RSF1: variants seen among roughly 807,000 people sequenced by gnomAD.
RSF1 encodes HBV pX-associated protein 8.
Under a neutral mutation model 145.2 loss-of-function variants are expected in RSF1, and 13 were observed. That is an observed-to-expected ratio of 0.09 (90% CI 0.06 to 0.14). RSF1 has a LOEUF of 0.14. Among genes scored for constraint, RSF1 ranks in the 10% least tolerant of loss-of-function variants. RSF1 has a pLI of 1.00. For synonymous variants in RSF1, 577 were observed against 592.6 expected, an observed-to-expected ratio of 0.97 and a Z score of 0.38; for missense variants, 1,517 against 1,718.2, an observed-to-expected ratio of 0.88 and a Z score of 2.07.
At chr11:77,740,257 C>CCCAGCTA (rs1164867479) in intron 4 of RSF1, among the ~76,000 whole-genome samples, 1 of 152,216 alleles carries the variant, frequency 6.6e-6, no homozygotes, top group Non-Finnish European at 1.5e-5. Flanking sequence ...CGCCTGTAAT[C>CCCAGCTA]CCAGCTACTT....
At chr11:77,763,774 G>A (rs1948198970) in intron 2 of RSF1, 1 of 152,138 alleles carries the variant, frequency 6.6e-6, no homozygotes, top group Admixed American at 6.5e-5. Flanking sequence ...AAACTGGTGG[G>A]AAGGTACTCC....
chr11:77,702,314 T>A lies in RSF1; in HGVS notation c.915A>T (p.Lys305Asn). Residue 305 changes from lysine to asparagine, a missense_variant, in exon 6 of 16, where the codon AAA becomes AAT. Physicochemically the swap from Lys to Asn is moderately conservative, Grantham distance 94 (BLOSUM62 0). Around this residue, in one of 12 missense-constraint regions of RSF1, gnomAD observed 207 missense variants for 191.4 expected, o/e 1.08. Transcript: ENST00000308488. ...LEKPLPENEEKKIIKEESDSF... is the reference protein window; with the variant it reads ...LEKPLPENEENKIIKEESDSF... ...AATCACTTTCTTCTTTGATAATCTT[T>A]TTTTCTTCATTTTCTGGCAAAGGTT... The A allele has an allele frequency of 1.2e-6, 2 of 1,609,902 alleles. No homozygotes were observed. Among genetic ancestry groups the A allele is most frequent in the Non-Finnish European group, 1.7e-6 (2 of 1,179,100 alleles).
intron 2 of RSF1, among the ~76,000 whole-genome samples, chr11:77,755,700 C>G (rs1023381481): frequency 1.8e-4 from 28 of 152,076 alleles, no homozygotes; most frequent in Non-Finnish European, 7.3e-5. Flanking sequence ...CTGCCTCAGC[C>G]TCCCGAGTAG....
intron 1 of RSF1, among the ~76,000 whole-genome samples, chr11:77,767,235 T>G (rs1490649971): frequency 6.6e-6 from 1 of 152,214 alleles, no homozygotes; most frequent in East Asian, 1.9e-4. Flanking sequence ...TTTCTCCTTT[T>G]CCACAAACAC....
chr11:77,852,105 A>T, the RSF1 span, among the ~76,000 whole-genome samples: 7 of 151,480 alleles, frequency 4.6e-5, no homozygotes, highest in Non-Finnish European at 8.8e-5. Flanking sequence ...AGTGGCTCAC[A>T]TCTGTAATCC....
intron 1 of RSF1, among the ~76,000 whole-genome samples, chr11:77,799,955 GAAACAGA>G (rs1029167310): frequency 2.0e-5 from 3 of 152,092 alleles, no homozygotes; most frequent in Admixed American, 2.0e-4. Context: ...TACTCAAGAG[GAAACAGA>G]AAATGTGAAT....
chr11:77,734,972 CCT>C, intron 4 of RSF1: 2 of 1,596,754 alleles, frequency 1.3e-6, no homozygotes, highest in Non-Finnish European at 1.7e-6. Context: ...TTGATGGCGG[CCT>C]CTGAGTCCTG....
intron 1 of RSF1, among the ~76,000 whole-genome samples, chr11:77,799,785 A>T (rs1948609419): frequency 6.6e-6 from 1 of 152,242 alleles, no homozygotes; most frequent in Non-Finnish European, 1.5e-5. Context: ...GAAGAAAAAT[A>T]GAAGACTCAA....
Position 77,755,432 on chromosome 11 carries a change from T to C in RSF1, c.280-8304A>G, listed in dbSNP as rs141553712. Among the ~76,000 whole-genome samples the C allele has an allele frequency of 3.9e-4, 60 of 152,272 alleles. No homozygotes were observed. In the East Asian group the frequency reaches 0.011, roughly 28 times the overall value. On this transcript the variant is annotated intron_variant, in intron 2 of 15. Coordinates refer to ENST00000308488, the MANE Select transcript of RSF1 (RefSeq NM_016578.4). Reference sequence around the variant, plus strand: ...AATGCTTTTAACTAAGGTATTAAAATTGGGAGAAGGAAGTTAATGAGAGAT... The same window carrying C: ...AATGCTTTTAACTAAGGTATTAAAACTGGGAGAAGGAAGTTAATGAGAGAT...
At chr11:77,816,220 G>T (rs1198138006) in intron 1 of RSF1, among the ~76,000 whole-genome samples, 1 of 152,168 alleles carries the variant, frequency 6.6e-6, no homozygotes, top group Non-Finnish European at 1.5e-5. Flanking sequence ...TGCCCTACCA[G>T]TGTCTACCAC....
At chr11:77,829,507 G>T in the RSF1 span, 1 of 152,206 alleles carries the variant, frequency 6.6e-6, no homozygotes, top group Non-Finnish European at 1.5e-5. Flanking sequence ...ATCTAATGGG[G>T]AAAGAATAGT....
At chr11:77,709,431 A>G (rs1388903519) in intron 5 of RSF1, among the ~76,000 whole-genome samples, 1 of 152,214 alleles carries the variant, frequency 6.6e-6, no homozygotes, top group Non-Finnish European at 1.5e-5. Context: ...CATATACTCA[A>G]TAAATATTTG....
chr11:77,842,436 C>A, the RSF1 span: 1 of 1,574,778 alleles, frequency 6.4e-7, no homozygotes, highest in Non-Finnish European at 8.7e-7. Context: ...CTGTTTCAGC[C>A]TTACTTTATA....
At chr11:77,803,398 C>T (rs1352665598) in intron 1 of RSF1, among the ~76,000 whole-genome samples, 2 of 151,544 alleles carry the variant, frequency 1.3e-5, no homozygotes, top group African/African-American at 2.4e-5. Flanking sequence ...TCACCCACCT[C>T]GGCCTCCCAA....
chr11:77,754,646 G>T (rs973597135), intron 2 of RSF1, among the ~76,000 whole-genome samples: 4 of 151,722 alleles, frequency 2.6e-5, no homozygotes, highest in Non-Finnish European at 5.9e-5. Context: ...GGGGGTGAGG[G>T]GGTGGGGCTG....
At chr11:77,799,692 G>A (rs1948608582) in intron 1 of RSF1, among the ~76,000 whole-genome samples, 1 of 152,026 alleles carries the variant, frequency 6.6e-6, no homozygotes, top group Non-Finnish European at 1.5e-5. Context: ...AATTTGTCAT[G>A]TAAATGGAAT....
intron 4 of RSF1, among the ~76,000 whole-genome samples, chr11:77,729,412 G>A (rs1392736305): frequency 6.6e-6 from 1 of 152,016 alleles, no homozygotes; most frequent in African/African-American, 2.4e-5. Flanking sequence ...TGTACCTTAA[G>A]TTAATCTAGA....
chr11:77,718,396 T>A (rs1440768133), intron 5 of RSF1: 2 of 152,200 alleles, frequency 1.3e-5, no homozygotes, highest in Admixed American at 6.5e-5. Context: ...CAAAAATGAA[T>A]CTCCTTAAAA....
At chr11:77,826,286 C>T in the RSF1 span, among the ~76,000 whole-genome samples, 23 of 151,738 alleles carry the variant, frequency 1.5e-4, no homozygotes, top group Admixed American at 8.5e-4. Context: ...CACTTGAACC[C>T]AGGAGGCAGA....
Sources: allele counts gnomAD v4.1 joint callset (sites outside exome capture counted in the v4.1 genomes callset), GRCh38; gene constraint gnomAD v4.1.1; regional missense constraint gnomAD v4.1.1; transcripts MANE v1.5; gene names NCBI Gene and HGNC (gene_info 2026-07-23, HGNC 2026-07-21).